Variants in ATP6V1H observed in about 807,000 individuals in gnomAD.
ATP6V1H encodes the protein V-type proton ATPase subunit H.
A neutral mutation model predicts 71.7 loss-of-function variants in ATP6V1H; 39 were observed. That is an observed-to-expected ratio of 0.54 (90% CI 0.42 to 0.71). ATP6V1H has a LOEUF of 0.71. ATP6V1H is among the 30% of genes least tolerant of loss of function. The probability of loss-of-function intolerance (pLI) is 0.00; values close to 1 mark genes in which losing one functional copy is unlikely to be tolerated. For synonymous variants in ATP6V1H, 192 were observed against 199.3 expected (o/e 0.96, Z 0.31); for missense variants, 509 against 594.9 (o/e 0.86, Z 1.50).
intron 13 of ATP6V1H, among the ~76,000 whole-genome samples, chr8:53,722,675 T>TA (rs1806666456): frequency 6.6e-6 from 1 of 152,058 alleles, no homozygotes. Flanking sequence ...GATTGTTGAA[T>TA]AAACGGTAGT....
At chr8:53,794,170 A>C (rs1809655522) in intron 9 of ATP6V1H, among the ~76,000 whole-genome samples, 2 of 152,208 alleles carry the variant, frequency 1.3e-5, no homozygotes, top group East Asian at 3.8e-4. Context: ...AAATGAAAAC[A>C]TATTCACTAT....
chr8:53,828,418 A>G (rs146243862), intron 4 of ATP6V1H, among the ~76,000 whole-genome samples: 8 of 152,316 alleles, frequency 5.3e-5, no homozygotes, highest in Non-Finnish European at 1.0e-4. Context: ...ATATGAGCAT[A>G]TGGACAGTAA....
At chr8:53,802,647 G>T (rs1354586564) in intron 7 of ATP6V1H, among the ~76,000 whole-genome samples, 4 of 152,126 alleles carry the variant, frequency 2.6e-5, no homozygotes, top group Non-Finnish European at 5.9e-5. Flanking sequence ...TGGAATCCAG[G>T]AGGCAGAGGT....
intron 13 of ATP6V1H, among the ~76,000 whole-genome samples, chr8:53,722,426 G>A (rs1201459882): frequency 2.0e-5 from 3 of 152,222 alleles, no homozygotes; most frequent in African/African-American, 7.2e-5. Flanking sequence ...ATCCAGTTAT[G>A]CAACGTGCAG....
intron 13 of ATP6V1H, among the ~76,000 whole-genome samples, chr8:53,721,948 C>T (rs981997535): frequency 2.0e-5 from 3 of 152,100 alleles, no homozygotes; most frequent in African/African-American, 7.2e-5. Context: ...AAAGTCTATT[C>T]GAGTCTATTT....
intron 6 of ATP6V1H, among the ~76,000 whole-genome samples, chr8:53,814,385 C>T (rs2130472823): frequency 6.6e-6 from 1 of 152,140 alleles, no homozygotes; most frequent in African/African-American, 2.4e-5. Flanking sequence ...ATCATCTTGG[C>T]AGCCACCTAG....
chr8:53,812,951 T>C (rs1810329968), intron 6 of ATP6V1H, among the ~76,000 whole-genome samples: 1 of 152,108 alleles, frequency 6.6e-6, no homozygotes, highest in Non-Finnish European at 1.5e-5. Context: ...TGCCTCAGCC[T>C]CCCAAAGTGC....
intron 5 of ATP6V1H, among the ~76,000 whole-genome samples, chr8:53,816,422 A>G (rs1375620881): frequency 6.6e-6 from 1 of 152,198 alleles, no homozygotes; most frequent in Non-Finnish European, 1.5e-5. Flanking sequence ...TGTTTGTACA[A>G]AGGTTTATTC....
At chr8:53,830,642 C>A (rs1810974989) in intron 3 of ATP6V1H, among the ~76,000 whole-genome samples, 2 of 152,112 alleles carry the variant, frequency 1.3e-5, no homozygotes, top group African/African-American at 4.8e-5. Flanking sequence ...TAAAAAGCTT[C>A]CTGGCAACTG....
intron 9 of ATP6V1H, among the ~76,000 whole-genome samples, chr8:53,792,121 G>A (rs1039537295): frequency 1.3e-5 from 2 of 152,058 alleles, no homozygotes; most frequent in Non-Finnish European, 2.9e-5. Flanking sequence ...ATTTTAGCTG[G>A]ACTGAAATTT....
At chr8:53,732,775 G>C (rs1421408048) in intron 13 of ATP6V1H, among the ~76,000 whole-genome samples, 1 of 152,082 alleles carries the variant, frequency 6.6e-6, no homozygotes, top group Non-Finnish European at 1.5e-5. Context: ...GCCGCCAGAG[G>C]TAACAGAAAT....
chr8:53,754,347 G>C (rs879848657), intron 12 of ATP6V1H, among the ~76,000 whole-genome samples: 5 of 152,152 alleles, frequency 3.3e-5, no homozygotes, highest in African/African-American at 1.2e-4. Context: ...TGGTTCTGAT[G>C]AATCTGGCTG....
At chr8:53,761,410 G>A (rs1175686921) in intron 11 of ATP6V1H, among the ~76,000 whole-genome samples, 1 of 151,516 alleles carries the variant, frequency 6.6e-6, no homozygotes, top group Non-Finnish European at 1.5e-5. Context: ...TCATACAAAG[G>A]TAAAGGGAGT....
At chr8:53,767,028 G>A (rs1465815424) in intron 11 of ATP6V1H, among the ~76,000 whole-genome samples, 4 of 152,102 alleles carry the variant, frequency 2.6e-5, no homozygotes, top group African/African-American at 7.2e-5. Flanking sequence ...GCTGGTTTTT[G>A]TGGCTTGTGG....
At chr8:53,780,332 G>A (rs557669990) in intron 9 of ATP6V1H, among the ~76,000 whole-genome samples, 2 of 151,584 alleles carry the variant, frequency 1.3e-5, no homozygotes, top group South Asian at 2.1e-4. Flanking sequence ...TCCCTTTTTC[G>A]TCAACTTTGT....
intron 4 of ATP6V1H, among the ~76,000 whole-genome samples, chr8:53,823,070 C>A (rs1231763951): frequency 2.0e-5 from 3 of 151,610 alleles, no homozygotes; most frequent in East Asian, 1.9e-4. Flanking sequence ...ACAAAAAAAA[C>A]CAGACCGAGA....
At chr8:53,765,457 ACACACACACACAC>A (rs1291718595) in intron 11 of ATP6V1H, among the ~76,000 whole-genome samples, 9 of 11,204 alleles carry the variant, frequency 8.0e-4, no homozygotes, top group South Asian at 0.038. Flanking sequence ...CAACAACAAC[ACACACACACACAC>A]ACACACACAC....
At chr8:53,832,705 A>T (rs2130528127) in intron 3 of ATP6V1H, 1 of 247,606 alleles carries the variant, frequency 4.0e-6, no homozygotes, top group East Asian at 8.4e-5. Flanking sequence ...TACTAGTAAG[A>T]ATACCAAGTG....
intron 13 of ATP6V1H, among the ~76,000 whole-genome samples, chr8:53,734,915 TAGCTGTGCCACAACTGCGAGG>T (rs1807148395): frequency 6.6e-6 from 1 of 152,130 alleles, no homozygotes. Flanking sequence ...GATAAAAGGA[TAGCTGTGCCACAACTGCGAGG>T]AGCCACAGTT....
Sources: gnomAD v4.1 joint callset for allele counts (sites outside exome capture counted in the v4.1 genomes callset) on GRCh38, gnomAD v4.1.1 for gene constraint, MANE v1.5 for transcripts, NCBI Gene and HGNC (gene_info 2026-07-23, HGNC 2026-07-21) for gene names.